Variants in SLC12A3 observed in about 807,000 individuals in gnomAD.
SLC12A3 encodes the protein Na-Cl cotransporter.
A neutral mutation model predicts 121.0 loss-of-function variants in SLC12A3; 104 were observed. The ratio of observed to expected loss-of-function variants is 0.86; its 90% confidence interval spans 0.73 to 1.01. The LOEUF (loss-of-function observed/expected upper bound fraction) is 1.01. Ranked by LOEUF, SLC12A3 falls within the 50% of genes least tolerant of loss-of-function variation. The probability of loss-of-function intolerance (pLI) is 0.00; values close to 1 mark genes in which losing one functional copy is unlikely to be tolerated. For synonymous variants in SLC12A3, 536 were observed against 533.4 expected (o/e 1.00, Z -0.07); for missense variants, 1,328 against 1,356.3 (o/e 0.98, Z 0.33).
In SLC12A3 at chr16:56,869,590, TGACAGA is replaced by T; in HGVS notation, c.506-135_506-130del. 6.7e-6 allele frequency: 5 copies of T among 741,796 alleles called. No homozygotes were observed. The South Asian group carries it at 7.4e-5, about 11-fold the overall frequency. 46.0% of individuals were successfully genotyped at this position (741,796 alleles called of 1,614,324 possible). Reference sequence around the variant, plus strand: ...ATCTGCCCGCCTCGGCCTCCCAAAGTGACAGAGACCCATTTTTCAGATGAGAAAACT... The same window carrying T: ...ATCTGCCCGCCTCGGCCTCCCAAAGTGACCCATTTTTCAGATGAGAAAACT... On this transcript the variant is annotated intron_variant, in intron 3 of 25. Coordinates refer to ENST00000563236, the MANE Select transcript of SLC12A3 (RefSeq NM_001126108.2).
At chr16:56,883,985 C>T in intron 13 of SLC12A3, 64 bp from the exon 14 acceptor site, 1 of 1,580,914 alleles carries the variant, frequency 6.3e-7, no homozygotes, top group Non-Finnish European at 8.7e-7. Context: ...CCCTGCCCAG[C>T]AGCTCTGGCC....
rs1567440110 is a variant in SLC12A3, at chr16:56,890,280, C to T, written c.2292C>T (p.Ala764=). The T allele has an allele frequency of 1.2e-6, 2 of 1,614,076 alleles. No homozygotes were observed. Among genetic ancestry groups the T allele is most frequent in the Non-Finnish European group, 1.7e-6 (2 of 1,179,970 alleles). ...VEDYIGILHD[A]FDFNYGVCVM... ...TCACCTCCTCTCTTTCCAGTGATGC[C>T]TTTGATTTCAACTATGGCGTGTGTG... is the stretch of plus-strand genomic sequence containing the variant. Residue 764 remains alanine (A), a synonymous_variant, in exon 19 of 26, where the codon GCC becomes GCT. Coordinates refer to ENST00000563236, the MANE Select transcript of SLC12A3 (RefSeq NM_001126108.2).
chr16:56,881,905 T>C (rs933068217), intron 12 of SLC12A3, among the ~76,000 whole-genome samples: 3 of 151,590 alleles, frequency 2.0e-5, no homozygotes, highest in Admixed American at 6.6e-5. Context: ...AAAAATTAGC[T>C]GGGCGTGGTG....
chr16:56,911,684 C>CAAGGATGGAACTT (rs1178427959), intron 25 of SLC12A3, among the ~76,000 whole-genome samples: 1 of 53,162 alleles, frequency 1.9e-5, no homozygotes, highest in Non-Finnish European at 3.3e-5. Context: ...GATGGAACTT[C>CAAGGATGGAACTT]CAAGTGTGAC....
intron 12 of SLC12A3, among the ~76,000 whole-genome samples, chr16:56,880,645 G>T (rs1386946706): frequency 2.0e-5 from 3 of 152,156 alleles, no homozygotes; most frequent in Non-Finnish European, 4.4e-5. Context: ...CTTGGGATGG[G>T]ATACCAATGG....
At position 56,913,821 on chromosome 16, in the gene SLC12A3, A is replaced by G. The variant is rs1339893447; in HGVS notation, c.*416A>G. On this transcript the variant is annotated 3_prime_UTR_variant, in exon 26 of 26. Transcript: ENST00000563236. ...CCTAAATCATGCCCTGCTTCCTCCA[A>G]TAGGAGAATGGGAGCCTCACCTGTA... 3 of 304,914 alleles carry G rather than the reference A, an allele frequency of 9.8e-6. No homozygotes were observed. Among genetic ancestry groups the G allele is most frequent in the South Asian group, 3.0e-5 (1 of 33,376 alleles). The allele number at this position is 304,914 out of a possible 1,614,324, so 18.9% of individuals were successfully genotyped here.
At chr16:56,894,738 C>A in intron 22 of SLC12A3, 96 bp downstream of exon 22, 1 of 901,666 alleles carries the variant, frequency 1.1e-6, no homozygotes, top group Non-Finnish European at 1.8e-6. Context: ...TCTACCACCA[C>A]CCCCAGGTGG....
At chr16:56,900,987 C>T (rs1022013506) in intron 23 of SLC12A3, among the ~76,000 whole-genome samples, 1 of 152,164 alleles carries the variant, frequency 6.6e-6, no homozygotes, top group Non-Finnish European at 1.5e-5. Flanking sequence ...CAACCCACTG[C>T]CCCCGCTGTC....
chr16:56,871,850 GTAGC>G (rs1322126797), intron 6 of SLC12A3, among the ~76,000 whole-genome samples: 2 of 152,146 alleles, frequency 1.3e-5, no homozygotes, highest in South Asian at 4.1e-4. Context: ...AGCCTCCCAA[GTAGC>G]TAGGATTACA....
rs1378422276 is a variant in SLC12A3 at position 56,914,418 on chromosome 16, G to A, written c.*1013G>A. Reference sequence around the variant, plus strand: ...AAAACAATACTTACCCTTCCCTGGGGGACGTCCTCCAGTATGTTCTGTTCT... The same window carrying A: ...AAAACAATACTTACCCTTCCCTGGGAGACGTCCTCCAGTATGTTCTGTTCT... On this transcript the variant is annotated 3_prime_UTR_variant, in exon 26 of 26. Coordinates refer to ENST00000563236, the MANE Select transcript of SLC12A3 (RefSeq NM_001126108.2). The A allele has an allele frequency of 1.3e-5, 2 of 152,204 alleles. No homozygotes were observed. Among genetic ancestry groups the A allele is most frequent in the Non-Finnish European group, 2.9e-5 (2 of 68,044 alleles). 9.4% of individuals were successfully genotyped at this position (152,204 alleles called of 1,614,324 possible). A position where few individuals can be genotyped will look rare whatever the true frequency, so the allele number is the denominator to read the frequency against.
chr16:56,887,840 C>T, intron 17 of SLC12A3, 85 bp from the exon 18 acceptor site: 1 of 631,794 alleles, frequency 1.6e-6, no homozygotes, highest in Non-Finnish European at 2.9e-6. Context: ...CATCTGGAGA[C>T]ATCAGAAAGT....
intron 24 of SLC12A3, among the ~76,000 whole-genome samples, chr16:56,903,209 C>CCTCTA (rs1182690643): frequency 6.6e-6 from 1 of 152,024 alleles, no homozygotes; most frequent in Non-Finnish European, 1.5e-5. Context: ...CCCTGCTTAG[C>CCTCTA]CTCTAGACCC....
In SLC12A3 at chr16:56,892,143, C is replaced by A; in HGVS notation, c.2419+10C>A. 1 of 1,613,348 alleles carries A rather than the reference C, an allele frequency of 6.2e-7. No individual in the cohort carries two copies. The highest frequency in any genetic ancestry group is 2.2e-5 in the East Asian group (1 of 44,872). On this transcript the variant is annotated intron_variant, in intron 20 of 25. Coordinates refer to ENST00000563236, the MANE Select transcript of SLC12A3 (RefSeq NM_001126108.2). ...GAAGCCAGCGCCAGAGGTGCCAGGC[C>A]ATCAGTCTCTGGCGCTTGTCAGTGT...
At chr16:56,869,422 G>A (rs1016955161) in intron 3 of SLC12A3, among the ~76,000 whole-genome samples, 6 of 152,126 alleles carry the variant, frequency 3.9e-5, no homozygotes, top group Non-Finnish European at 8.8e-5. Context: ...CCGCCTCCTG[G>A]GTTCAAGCGA....
At chr16:56,899,734 T>G (rs897600543) in intron 23 of SLC12A3, 118 bp downstream of exon 23, 50 of 775,540 alleles carry the variant, frequency 6.4e-5, no homozygotes, top group Non-Finnish European at 1.1e-4. Flanking sequence ...CTCCAAGCCC[T>G]TCCTAGATGT....
chr16:56,900,791 A>G (rs2055527877), intron 23 of SLC12A3, among the ~76,000 whole-genome samples: 1 of 152,116 alleles, frequency 6.6e-6, no homozygotes, highest in Non-Finnish European at 1.5e-5. Flanking sequence ...TTGGCCTCCC[A>G]AAGTGCTGAG....
rs376574031 is a variant in SLC12A3, at chr16:56,887,052, A to T, written c.2137A>T (p.Ile713Phe). 2 of 1,613,978 alleles carry T rather than the reference A, an allele frequency of 1.2e-6. No individual in the cohort carries two copies. Among genetic ancestry groups the T allele is most frequent in the Admixed American group, 1.7e-5 (1 of 60,026 alleles). Residue 713 changes from isoleucine (I) to phenylalanine (F), a missense_variant, in exon 17 of 26, where the codon ATT (isoleucine) becomes TTT (phenylalanine). Ile to Phe is a conservative substitution (Grantham distance 21). Transcript: ENST00000563236. The part of the protein sequence containing the change: ...RKIKAFYSDV[I>F]AEDLRRGVQI... ...GATCAAGGCCTTCTACTCGGATGTC[A>T]TTGCCGAGGACCTCCGCAGAGGCGT...
At chr16:56,884,721 G>A (rs542695663) in intron 14 of SLC12A3, among the ~76,000 whole-genome samples, 39 of 152,310 alleles carry the variant, frequency 2.6e-4, no homozygotes, top group Non-Finnish European at 3.7e-4. Flanking sequence ...CCATTGCAAA[G>A]GTTTGGCAAG....
intron 1 of SLC12A3, among the ~76,000 whole-genome samples, chr16:56,866,249 G>A (rs572541643): frequency 2.2e-4 from 33 of 152,244 alleles, no homozygotes; most frequent in African/African-American, 7.0e-4. Flanking sequence ...GCCTCCCAAC[G>A]TGCTGGAATT....
Sources: gnomAD v4.1 joint callset for allele counts (sites outside exome capture counted in the v4.1 genomes callset) on GRCh38, gnomAD v4.1.1 for gene constraint, MANE v1.5 for transcripts, NCBI Gene and HGNC (gene_info 2026-07-23, HGNC 2026-07-21) for gene names.